Variants in AHDC1 observed in about 807,000 individuals in gnomAD.
AHDC1 encodes the protein AT-hook DNA binding motif containing 1.
Under a neutral mutation model 87.9 loss-of-function variants are expected in AHDC1, and 7 were observed. That is an observed-to-expected ratio of 0.08 (90% CI 0.05 to 0.15). AHDC1 has a LOEUF of 0.15. Ranked by LOEUF, AHDC1 falls within the 10% of genes least tolerant of loss-of-function variation. The pLI, the probability that AHDC1 is intolerant of heterozygous loss-of-function variation, is 1.00. For synonymous variants in AHDC1, 1,051 were observed against 1,006.8 expected (o/e 1.04, Z -0.83); for missense variants, 1,841 against 2,253.2 (o/e 0.82, Z 3.70).
intron 3 of AHDC1, among the ~76,000 whole-genome samples, chr1:27,576,209 A>C (rs1032292705): frequency 6.6e-6 from 1 of 151,918 alleles, no homozygotes; most frequent in Non-Finnish European, 1.5e-5. Flanking sequence ...CCTTACCTGT[A>C]AATTGGGGTT....
At chr1:27,571,715 C>T (rs1242961925) in intron 3 of AHDC1, among the ~76,000 whole-genome samples, 3 of 152,136 alleles carry the variant, frequency 2.0e-5, no homozygotes, top group African/African-American at 4.8e-5. Context: ...GGGCTGGCCC[C>T]CAGCCCCCTC....
chr1:27,568,655 G>C (rs899661306), intron 3 of AHDC1, among the ~76,000 whole-genome samples: 2 of 151,880 alleles, frequency 1.3e-5, no homozygotes, highest in East Asian at 3.9e-4. Context: ...CTAGGGGCGG[G>C]GTCGGGGCTT....
chr1:27,540,329 C>A (rs538008227), intron 8 of AHDC1, among the ~76,000 whole-genome samples: 2 of 151,988 alleles, frequency 1.3e-5, no homozygotes, highest in African/African-American at 4.8e-5. Flanking sequence ...TGTCCCATCC[C>A]GTTCCCCAGG....
intron 3 of AHDC1, among the ~76,000 whole-genome samples, chr1:27,580,345 G>C (rs1278634177): frequency 6.6e-6 from 1 of 152,148 alleles, no homozygotes; most frequent in South Asian, 2.1e-4. Flanking sequence ...GGCTCTAAAT[G>C]AAATCCGCAT....
In AHDC1 at chr1:27,548,766, A is replaced by G. The variant is rs1489648375; in HGVS notation, c.3350T>C (p.Leu1117Pro). Residue 1117 changes from leucine (L) to proline (P), a missense_variant, in exon 8 of 9, where the codon CTG (leucine) becomes CCG (proline). This residue lies in a region of AHDC1 where 378 missense variants were observed against 399.0 expected (regional missense o/e 0.95). Transcript: ENST00000673934. ...ACTAAAGGCCTCTGAGGCCCAGTCCAGGCCTCCATAGCCCTGCCGGAAAGG... is the reference window on the plus strand; with the variant it reads ...ACTAAAGGCCTCTGAGGCCCAGTCCGGGCCTCCATAGCCCTGCCGGAAAGG... Reference protein sequence around the residue: ...QWPFRQGYGGLDWASEAFSQL... With the variant: ...QWPFRQGYGGPDWASEAFSQL... 2 of 1,613,212 alleles carry G rather than the reference A, an allele frequency of 1.2e-6. No individual in the cohort carries two copies. Among genetic ancestry groups the G allele is most frequent in the Admixed American group, 3.3e-5 (2 of 60,026 alleles).
chr1:27,587,813 C>T (rs997075433), intron 3 of AHDC1, among the ~76,000 whole-genome samples: 7 of 152,182 alleles, frequency 4.6e-5, no homozygotes, highest in Non-Finnish European at 7.3e-5. Context: ...CATCCTTGCA[C>T]GACGAACCTT....
Position 27,548,118 on chromosome 1 carries a change from A to G in AHDC1, c.3998T>C (p.Phe1333Ser). 6.2e-7 allele frequency: 1 copy of G among 1,613,934 alleles called. No individual in the cohort carries two copies. The highest frequency in any genetic ancestry group is 8.5e-7 in the Non-Finnish European group (1 of 1,180,036). Residue 1333 changes from phenylalanine to serine, a missense_variant, in exon 8 of 9, where the codon TTC becomes TCC. Physicochemically the swap from Phe to Ser is radical, Grantham distance 155. This residue lies in a region of AHDC1 where 505 missense variants were observed against 626.2 expected (regional missense o/e 0.81). Transcript: ENST00000673934. Reference protein sequence around the residue: ...MSPLPSQSRAFGVGERDPCDF... With the variant: ...MSPLPSQSRASGVGERDPCDF... ...ACAGGGGTCTCGCTCTCCCACGCCG[A>G]AGGCCCTCGACTGTGAGGGCAGTGG...
At chr1:27,559,865 G>T (rs2019989752) in intron 3 of AHDC1, among the ~76,000 whole-genome samples, 1 of 152,168 alleles carries the variant, frequency 6.6e-6, no homozygotes, top group African/African-American at 2.4e-5. Flanking sequence ...TTGCTTATAG[G>T]TTCTGGTTGC....
chr1:27,566,576 C>A (rs1465513972), intron 3 of AHDC1, among the ~76,000 whole-genome samples: 3 of 144,850 alleles, frequency 2.1e-5, no homozygotes, highest in Non-Finnish European at 4.5e-5. Context: ...CAGCGACAGT[C>A]GGAGGGTGAG....
In AHDC1 at chr1:27,548,528, C is replaced by G. The variant is rs780177717; in HGVS notation, c.3588G>C (p.Ser1196=). Residue 1196 remains serine, a synonymous_variant, in exon 8 of 9, where the codon TCG becomes TCC. Transcript: ENST00000673934. ...TCAGTTTCTCCAGGCTGGACAGGCTCGACTGGCCCTCACTACTTGAGGCCT... is the reference window on the plus strand; with the variant it reads ...TCAGTTTCTCCAGGCTGGACAGGCTGGACTGGCCCTCACTACTTGAGGCCT... ...NSEASSSEGQ[S]SLSSLEKLMM... is the part of the protein sequence containing the mutation. The G allele has an allele frequency of 6.2e-7, 1 of 1,613,740 alleles. No homozygotes were observed.
At chr1:27,554,426 C>G (rs1490261503) in intron 5 of AHDC1, among the ~76,000 whole-genome samples, 4 of 152,170 alleles carry the variant, frequency 2.6e-5, no homozygotes, top group Non-Finnish European at 4.4e-5. Context: ...GAGCAGGGAT[C>G]ACATCTGTCT....
intron 3 of AHDC1, among the ~76,000 whole-genome samples, 157 bp from the exon 4 acceptor site, chr1:27,559,040 ACT>A (rs1218953064): frequency 6.6e-6 from 1 of 150,694 alleles, no homozygotes; most frequent in Non-Finnish European, 1.5e-5. Context: ...GAACTGTGAG[ACT>A]CTTTTTAAAA....
chr1:27,544,733 C>T (rs1423426440), intron 8 of AHDC1, among the ~76,000 whole-genome samples: 1 of 152,182 alleles, frequency 6.6e-6, no homozygotes, highest in African/African-American at 2.4e-5. Flanking sequence ...TGTGGGTCAT[C>T]TTAGATAGAG....
In AHDC1 at chr1:27,576,277, C is replaced by T. The variant is rs571763344; in HGVS notation, c.-628-17394G>A. Among the ~76,000 whole-genome samples, 4 of 152,286 alleles carry T rather than the reference C, an allele frequency of 2.6e-5. No homozygotes were observed. The East Asian group carries it at 7.8e-4, about 30-fold the overall frequency. On this transcript the variant is annotated intron_variant, in intron 3 of 8. Transcript: ENST00000673934. ...TAAAGGTTTTGTTTGCTGTGTGCCT[C>T]TCCTTGGGCAAAACGCTGTCACAAT...
chr1:27,543,103 G>A (rs927630299), intron 8 of AHDC1, among the ~76,000 whole-genome samples: 4 of 152,226 alleles, frequency 2.6e-5, no homozygotes, highest in African/African-American at 9.6e-5. Context: ...TGGTGGCCTT[G>A]GAAACTGCTT....
Position 27,548,251 on chromosome 1 carries a change from C to A in AHDC1, c.3865G>T (p.Ala1289Ser), listed in dbSNP as rs777203963. The A allele has an allele frequency of 7.4e-6, 12 of 1,611,754 alleles. No individual in the cohort carries two copies. The highest frequency in any genetic ancestry group is 1.3e-5 in the African/African-American group (1 of 74,920). Residue 1289 changes from alanine to serine, a missense_variant, in exon 8 of 9, where the codon GCA becomes TCA. Physicochemically the swap from Ala to Ser is moderately conservative, Grantham distance 99 (BLOSUM62 1). Around this residue, in one of 13 missense-constraint regions of AHDC1, gnomAD observed 505 missense variants for 626.2 expected, o/e 0.81. Transcript: ENST00000673934. Reference sequence around the variant, plus strand: ...GGGATGAACTTGGCTTTGGCCGCTGCGCCACCCCGCTCCTTCTTGGCTGAG... The same window carrying A: ...GGGATGAACTTGGCTTTGGCCGCTGAGCCACCCCGCTCCTTCTTGGCTGAG... ...ACSAKKERGG[A>S]AAKAKFIPKP...
intron 3 of AHDC1, among the ~76,000 whole-genome samples, chr1:27,602,018 GCCC>G (rs1395866293): frequency 3.9e-5 from 6 of 152,206 alleles, no homozygotes; most frequent in Non-Finnish European, 8.8e-5. Context: ...ACAGGCACAG[GCCC>G]CCCAAGGGTC....
Position 27,547,151 on chromosome 1 carries a change from TA to T in AHDC1, c.*43+109del. 1.3e-6 allele frequency: 1 copy of T among 763,872 alleles called. No individual in the cohort carries two copies. The highest frequency in any genetic ancestry group is 2.0e-6 in the Non-Finnish European group (1 of 499,022). The allele number at this position is 763,872 out of a possible 1,614,324, so 47.3% of individuals were successfully genotyped here. ...TGCTCTCAGTCCCCAGCCTTGCCCTTAAATCCTGCATTTGCTTCCTGCACTC... is the reference window on the plus strand; with the variant it reads ...TGCTCTCAGTCCCCAGCCTTGCCCTTAATCCTGCATTTGCTTCCTGCACTC... On this transcript the variant is annotated intron_variant, in intron 8 of 8. Transcript: ENST00000673934. This position sits in a 1 kb window ranked among gnomAD's most constrained non-coding sequence, Gnocchi z 4.9.
intron 3 of AHDC1, among the ~76,000 whole-genome samples, chr1:27,600,341 T>C (rs1156726452): frequency 1.3e-5 from 2 of 151,730 alleles, no homozygotes; most frequent in Non-Finnish European, 2.9e-5. Flanking sequence ...CATCCCATAA[T>C]AGTGAGTCTG....
Sources: gnomAD v4.1 joint callset for allele counts (sites outside exome capture counted in the v4.1 genomes callset) on GRCh38, gnomAD v4.1.1 for gene constraint, gnomAD v4.1.1 regional missense constraint, Gnocchi (gnomAD v3.1) non-coding constraint, MANE v1.5 for transcripts, NCBI Gene and HGNC (gene_info 2026-07-23, HGNC 2026-07-21) for gene names.